Variants in CNTN6 observed in about 807,000 individuals in gnomAD.
CNTN6 encodes the protein contactin 6, also known as contactin-6.
CNTN6 carries 137 observed loss-of-function variants against 122.8 expected under a neutral mutation model. The observed-to-expected ratio is 1.12, with a 90% CI of 0.97 to 1.29. The LOEUF is 1.29. Ranked by LOEUF, CNTN6 falls within the 50% of genes most tolerant of loss-of-function variation. The pLI is 0.00. For synonymous variants in CNTN6, 570 were observed against 426.0 expected (o/e 1.34, Z -4.16); for missense variants, 1,634 against 1,223.4 (o/e 1.34, Z -5.01).
At chr3:1,223,302 C>A (rs993489975) in intron 3 of CNTN6, among the ~76,000 whole-genome samples, 5 of 152,130 alleles carry the variant, frequency 3.3e-5, no homozygotes, top group Admixed American at 6.5e-5. Context: ...TCTCTCCTGG[C>A]GTCATCTTCC....
At chr3:1,098,097 G>GC (rs1160644940) in intron 1 of CNTN6, among the ~76,000 whole-genome samples, 1 of 108,230 alleles carries the variant, frequency 9.2e-6, no homozygotes, top group Non-Finnish European at 1.7e-5. Context: ...ATATTTGCGG[G>GC]GGGGGGAGGG....
At chr3:1,288,309 G>A (rs1232207034) in intron 5 of CNTN6, among the ~76,000 whole-genome samples, 3 of 126,994 alleles carry the variant, frequency 2.4e-5, no homozygotes, top group African/African-American at 9.1e-5. Context: ...GGAACGAATG[G>A]GAATTCAAAT....
intron 1 of CNTN6, among the ~76,000 whole-genome samples, chr3:1,119,327 G>GTGTGTGTGTGTGTGTGTGTGTT (rs1194711386): frequency 1.3e-5 from 2 of 150,114 alleles, no homozygotes; most frequent in African/African-American, 4.9e-5. Flanking sequence ...AAAATCGTGT[G>GTGTGTGTGTGTGTGTGTGTGTT]TGTGTGTGTG....
rs540690128 is a variant in CNTN6 at position 1,315,871 on chromosome 3, T to A, written c.762-5779T>A. Among the ~76,000 whole-genome samples, 236 of 152,008 alleles carry A rather than the reference T, an allele frequency of 1.6e-3. 1 individual carries two copies. Among genetic ancestry groups the A allele is most frequent in the African/African-American group, 5.1e-3 (212 of 41,508 alleles). On this transcript the variant is annotated intron_variant, in intron 7 of 22. Transcript: ENST00000446702. ...TGAGATGCAGGAAATTTACACACAC[T>A]CATGCTTGTGTAGCCGTTTCATTCA...
At chr3:1,390,678 A>G (rs1693993465) in intron 20 of CNTN6, among the ~76,000 whole-genome samples, 1 of 152,154 alleles carries the variant, frequency 6.6e-6, no homozygotes, top group Admixed American at 6.5e-5. Flanking sequence ...CTAATAAAGA[A>G]AAAGAGAAGA....
chr3:1,239,219 A>G (rs9855754), intron 4 of CNTN6, among the ~76,000 whole-genome samples: 223 of 152,320 alleles, frequency 1.5e-3, no homozygotes, highest in African/African-American at 5.1e-3. Flanking sequence ...GATAAAAAAG[A>G]AGTCAAACTG....
chr3:1,251,500 A>G (rs949367308), intron 4 of CNTN6, among the ~76,000 whole-genome samples: 7 of 152,200 alleles, frequency 4.6e-5, no homozygotes, highest in African/African-American at 9.6e-5. Context: ...TTGCACATCA[A>G]TGATTCACTT....
At chr3:1,200,079 T>C (rs1575206446) in intron 2 of CNTN6, among the ~76,000 whole-genome samples, 1 of 152,262 alleles carries the variant, frequency 6.6e-6, no homozygotes, top group East Asian at 1.9e-4. Context: ...TTTTTTAAGA[T>C]GAAGTCTCGC....
intron 2 of CNTN6, among the ~76,000 whole-genome samples, chr3:1,155,400 T>C (rs1417524188): frequency 6.6e-6 from 1 of 152,182 alleles, no homozygotes; most frequent in Non-Finnish European, 1.5e-5. Flanking sequence ...CCCAAACACC[T>C]TTAGCAATTG....
intron 10 of CNTN6, among the ~76,000 whole-genome samples, chr3:1,328,046 T>C (rs1701786934): frequency 1.3e-5 from 2 of 151,860 alleles, no homozygotes; most frequent in Admixed American, 6.6e-5. Flanking sequence ...CAAAGCCTCA[T>C]GGTTACAAGA....
At chr3:1,225,598 A>C (rs1458367585) in intron 3 of CNTN6, among the ~76,000 whole-genome samples, 1 of 152,222 alleles carries the variant, frequency 6.6e-6, no homozygotes, top group East Asian at 1.9e-4. Context: ...TGGAAGTCTA[A>C]AGAGCAAATT....
intron 1 of CNTN6, among the ~76,000 whole-genome samples, chr3:1,120,448 TG>T (rs2125057677): frequency 6.6e-6 from 1 of 152,104 alleles, no homozygotes; most frequent in South Asian, 2.1e-4. Context: ...ATTTCCCTAA[TG>T]ACTTATCTTT....
At chr3:1,200,770 T>C (rs2093852311) in intron 2 of CNTN6, among the ~76,000 whole-genome samples, 1 of 152,174 alleles carries the variant, frequency 6.6e-6, no homozygotes, top group African/African-American at 2.4e-5. Context: ...AATAACTTCA[T>C]GTCACTTTGG....
At chr3:1,379,986 G>T (rs1222532170) in intron 17 of CNTN6, among the ~76,000 whole-genome samples, 1 of 152,132 alleles carries the variant, frequency 6.6e-6, no homozygotes, top group Non-Finnish European at 1.5e-5. Flanking sequence ...GATGAGAAAA[G>T]GTCTGAATGC....
chr3:1,403,327 C>G lies in CNTN6; in HGVS notation c.2996C>G (p.Ser999Cys). ...IRIPKMSSLS[S>C]RGIQFLEPST... ...TTTTTATATTTTGCAGGTTTGAGTT[C>G]CAGAGGAATTCAATTCTTAGAACCT... Residue 999 changes from serine (S) to cysteine (C), a missense_variant, in exon 23 of 23, where the codon TCC (serine) becomes TGC (cysteine). By Grantham distance (112) the Ser-to-Cys change is moderately radical. Coordinates refer to ENST00000446702, the MANE Select transcript of CNTN6 (RefSeq NM_001289080.2). The G allele has an allele frequency of 1.2e-6, 2 of 1,605,120 alleles. No homozygotes were observed. The highest frequency in any genetic ancestry group is 1.7e-6 in the Non-Finnish European group (2 of 1,174,424).
intron 11 of CNTN6, among the ~76,000 whole-genome samples, chr3:1,347,330 T>C (rs113728548): frequency 5.3e-5 from 8 of 152,176 alleles, no homozygotes; most frequent in African/African-American, 1.9e-4. Context: ...AAACAGAATA[T>C]TGAGGTTTGG....
intron 2 of CNTN6, among the ~76,000 whole-genome samples, chr3:1,178,316 T>A (rs907149927): frequency 6.6e-6 from 1 of 152,184 alleles, no homozygotes; most frequent in African/African-American, 2.4e-5. Context: ...AGGAATTCCT[T>A]AATGACATCT....
intron 2 of CNTN6, among the ~76,000 whole-genome samples, chr3:1,175,390 T>C (rs1468156463): frequency 6.6e-6 from 1 of 150,864 alleles, no homozygotes; most frequent in Non-Finnish European, 1.5e-5. Flanking sequence ...GCATTTAGGG[T>C]ATAGGCAAAA....
At position 1,359,878 on chromosome 3, in the gene CNTN6, G is replaced by C. The variant is rs187468848; in HGVS notation, c.1492+7427G>C. Among the ~76,000 whole-genome samples the C allele has an allele frequency of 1.2e-4, 19 of 152,064 alleles. No individual in the cohort carries two copies. In the East Asian group the frequency reaches 2.9e-3, roughly 23 times the overall value. On this transcript the variant is annotated intron_variant, in intron 12 of 22. Coordinates refer to ENST00000446702, the MANE Select transcript of CNTN6 (RefSeq NM_001289080.2). Reference sequence around the variant, plus strand: ...TATTAGCTTTGATTTTCCTGTGTTTGCTTTCCCTTCTTTTGTTCGTTTGCT... The same window carrying C: ...TATTAGCTTTGATTTTCCTGTGTTTCCTTTCCCTTCTTTTGTTCGTTTGCT...
Sources: gnomAD v4.1 joint callset for allele counts (sites outside exome capture counted in the v4.1 genomes callset) on GRCh38, gnomAD v4.1.1 for gene constraint, MANE v1.5 for transcripts, NCBI Gene and HGNC (gene_info 2026-07-23, HGNC 2026-07-21) for gene names.